Variants in PYHIN1 observed in about 807,000 individuals in gnomAD.
PYHIN1 encodes pyrin and HIN domain-containing protein 1.
In PYHIN1, 32 loss-of-function variants were observed where a neutral mutation model predicts 43.7. The observed-to-expected ratio is 0.73, with a 90% confidence interval of 0.55 to 0.98. PYHIN1 has a LOEUF of 0.98. PYHIN1 is among the 50% of genes least tolerant of loss of function. The pLI, the probability that PYHIN1 is intolerant of heterozygous loss-of-function variation, is 0.00. For missense variants in PYHIN1, 588 were observed against 589.5 expected (o/e 1.00, Z 0.03); for synonymous variants, 205 against 203.1 (o/e 1.01, Z -0.08).
At chr1:158,934,925 T>C (rs1406030186) in intron 1 of PYHIN1, among the ~76,000 whole-genome samples, 1 of 152,176 alleles carries the variant, frequency 6.6e-6, no homozygotes, top group Non-Finnish European at 1.5e-5. Flanking sequence ...AGACGGGGTT[T>C]CACCATGTTG....
chr1:158,957,412 G>C (rs1008498630), intron 7 of PYHIN1, among the ~76,000 whole-genome samples: 1 of 152,042 alleles, frequency 6.6e-6, no homozygotes. Flanking sequence ...CAGAGATATA[G>C]ATCAATGGAA....
chr1:158,985,176 A>G, the PYHIN1 span, among the ~76,000 whole-genome samples: 1 of 152,142 alleles, frequency 6.6e-6, no homozygotes, highest in Non-Finnish European at 1.5e-5. Flanking sequence ...ATTGATATGT[A>G]AGGATTTGAT....
chr1:158,950,402 G>A (rs1425966620), intron 7 of PYHIN1, among the ~76,000 whole-genome samples: 2 of 152,268 alleles, frequency 1.3e-5, no homozygotes, highest in Middle Eastern at 3.4e-3. Flanking sequence ...GTCCAGGGCT[G>A]CGGGTCCTGC....
chr1:158,968,229 G>A (rs1223147428), intron 7 of PYHIN1, among the ~76,000 whole-genome samples: 2 of 151,694 alleles, frequency 1.3e-5, no homozygotes, highest in South Asian at 2.1e-4. Context: ...AATCTATAAA[G>A]AATGTAAACC....
At chr1:158,931,894 T>C (rs1648185269) in intron 1 of PYHIN1, 118 bp downstream of exon 1, 1 of 152,200 alleles carries the variant, frequency 6.6e-6, no homozygotes, top group African/African-American at 2.4e-5. Flanking sequence ...GCAGTAGGGC[T>C]GGTATCAACT....
chr1:158,943,667 T>G, intron 5 of PYHIN1, 123 bp from the exon 6 acceptor site: 1 of 589,250 alleles, frequency 1.7e-6, no homozygotes, highest in Non-Finnish European at 3.0e-6. Context: ...ATATGTATTG[T>G]ATGTCGATAC....
downstream of PYHIN1, among the ~76,000 whole-genome samples, chr1:158,981,156 G>A (rs1651471183): frequency 6.6e-6 from 1 of 152,122 alleles, no homozygotes; most frequent in Admixed American, 6.5e-5. Flanking sequence ...CTAAACCACT[G>A]TTAATGGCCA....
At chr1:158,974,960 C>T (rs148609374) in intron 8 of PYHIN1, among the ~76,000 whole-genome samples, 13 of 152,144 alleles carry the variant, frequency 8.5e-5, no homozygotes, top group East Asian at 5.8e-4. Context: ...GAAGGGACTA[C>T]GCAAAGTTTG....
intron 7 of PYHIN1, among the ~76,000 whole-genome samples, chr1:158,970,477 C>T (rs1470882487): frequency 6.6e-6 from 1 of 151,988 alleles, no homozygotes; most frequent in Non-Finnish European, 1.5e-5. Context: ...TCTATTATCA[C>T]ATCCCCTCTA....
the PYHIN1 span, among the ~76,000 whole-genome samples, chr1:158,990,641 T>C: frequency 6.6e-6 from 1 of 152,240 alleles, no homozygotes; most frequent in East Asian, 1.9e-4. Context: ...ACTATAATTA[T>C]ATCTTTTGAC....
intron 7 of PYHIN1, among the ~76,000 whole-genome samples, chr1:158,966,757 A>T (rs1650656640): frequency 6.6e-6 from 1 of 152,150 alleles, no homozygotes; most frequent in Admixed American, 6.5e-5. Context: ...CCAACATCAT[A>T]CTTTATGGAC....
chr1:158,948,750 G>C (rs571340231), intron 7 of PYHIN1, among the ~76,000 whole-genome samples: 26 of 152,184 alleles, frequency 1.7e-4, no homozygotes, highest in Non-Finnish European at 1.5e-5. Flanking sequence ...TCTGACCTGG[G>C]ACAGGGGACG....
chr1:158,938,468 T>C lies in PYHIN1; in HGVS notation c.337T>C (p.Tyr113His). 6.2e-7 allele frequency: 1 copy of C among 1,614,172 alleles called. No individual in the cohort carries two copies. ...TAAAAAGACGAAACAGAAAGAAGTG[T>C]ATCCTGCTACACCTGCATGCACCCC... The part of the protein sequence containing the change: ...PSKKTKQKEV[Y>H]PATPACTPSN... The change falls in exon 3 of 9, where the codon TAT becomes CAT. Residue 113 changes from tyrosine (Y) to histidine (H), a missense_variant. Coordinates refer to ENST00000368140, the MANE Select transcript of PYHIN1 (RefSeq NM_152501.5).
intron 7 of PYHIN1, among the ~76,000 whole-genome samples, chr1:158,949,005 C>T (rs1649374502): frequency 6.6e-6 from 1 of 152,094 alleles, no homozygotes; most frequent in African/African-American, 2.4e-5. Flanking sequence ...GCAAATTAGG[C>T]ACTGATCAGT....
intron 7 of PYHIN1, among the ~76,000 whole-genome samples, chr1:158,960,056 TCCA>T (rs780808522): frequency 1.3e-5 from 2 of 152,204 alleles, no homozygotes; most frequent in Non-Finnish European, 2.9e-5. Context: ...AACAGACACC[TCCA>T]CCACCTTATA....
the PYHIN1 span, among the ~76,000 whole-genome samples, chr1:158,985,119 T>C: frequency 7.9e-5 from 12 of 152,340 alleles, no homozygotes; most frequent in African/African-American, 2.9e-4. Context: ...CTTACCATTC[T>C]GTGCCTTTTA....
chr1:158,980,812 C>T (rs1367908367), downstream of PYHIN1, among the ~76,000 whole-genome samples: 1 of 152,084 alleles, frequency 6.6e-6, no homozygotes, highest in African/African-American at 2.4e-5. Flanking sequence ...CTTTGTTAGA[C>T]CTTTACTAGT....
the PYHIN1 span, among the ~76,000 whole-genome samples, chr1:158,989,821 G>A: frequency 6.6e-6 from 1 of 151,990 alleles, no homozygotes. Flanking sequence ...CATTCTTAAA[G>A]GACCATCTTC....
chr1:158,932,092 C>T (rs909858311), intron 1 of PYHIN1, among the ~76,000 whole-genome samples: 1 of 152,124 alleles, frequency 6.6e-6, no homozygotes, highest in African/African-American at 2.4e-5. Flanking sequence ...CCATTGGGGT[C>T]TGGGCAAAAG....
Sources: allele counts gnomAD v4.1 joint callset (sites outside exome capture counted in the v4.1 genomes callset), GRCh38; gene constraint gnomAD v4.1.1; transcripts MANE v1.5; gene names NCBI Gene and HGNC (gene_info 2026-07-23, HGNC 2026-07-21).